The following FAM193A variants were observed in gnomAD, a reference collection of about 807,000 sequenced individuals.
The protein encoded by FAM193A is family with sequence similarity 193 member A.
In FAM193A, 22 loss-of-function variants were observed where a neutral mutation model predicts 126.5. The observed-to-expected ratio is 0.17, with a 90% CI of 0.12 to 0.25. The LOEUF (loss-of-function observed/expected upper bound fraction) is 0.25. Among genes scored for constraint, FAM193A ranks in the 10% least tolerant of loss-of-function variants. The pLI, the probability that FAM193A is intolerant of heterozygous loss-of-function variation, is 1.00. For missense variants in FAM193A, 1,675 were observed against 1,672.8 expected (o/e 1.00, Z -0.02); for synonymous variants, 761 against 646.8 (o/e 1.18, Z -2.68).
At chr4:2,663,031 A>C in intron 11 of FAM193A, 40 bp downstream of exon 11, 1 of 1,598,672 alleles carries the variant, frequency 6.3e-7, no homozygotes, top group Middle Eastern at 1.7e-4. Context: ...TAAATGACAT[A>C]AAATGATGGT....
At chr4:2,577,869 A>C (rs1350922157) in intron 1 of FAM193A, among the ~76,000 whole-genome samples, 1 of 152,220 alleles carries the variant, frequency 6.6e-6, no homozygotes, top group East Asian at 1.9e-4. Context: ...TTTAAGTACA[A>C]CATTGGCCAG....
In FAM193A at chr4:2,590,490, A is replaced by C. The variant is rs1451890235; in HGVS notation, c.256-5594A>C. ...AAAAAAAAAAACAAAAAAAAACAAAAAAAAACAAAAAAAAACAAAAAAAAA... is the reference window on the plus strand; with the variant it reads ...AAAAAAAAAAACAAAAAAAAACAAACAAAAACAAAAAAAAACAAAAAAAAA... On this transcript the variant is annotated intron_variant, in intron 1 of 20. Coordinates refer to ENST00000637812, the MANE Select transcript of FAM193A (RefSeq NM_001366318.2). 3.5e-4 allele frequency among the ~76,000 whole-genome samples: 36 copies of C among 101,686 alleles called. 3 individuals are homozygous for C. Among genetic ancestry groups the C allele is most frequent in the African/African-American group, 2.4e-3 (35 of 14,694 alleles). 66.7% of individuals were successfully genotyped at this position (101,686 alleles called of 152,430 possible). A position where few individuals can be genotyped will look rare whatever the true frequency, so the allele number is the denominator to read the frequency against.
chr4:2,654,791 T>G, intron 7 of FAM193A: 2 of 292,578 alleles, frequency 6.8e-6, no homozygotes, highest in Non-Finnish European at 1.3e-5. Flanking sequence ...TCTTGACCCA[T>G]TTTGTGCCTC....
rs759848913 is a variant in FAM193A at position 2,662,963 on chromosome 4, G to A, written c.1871G>A (p.Gly624Asp). ...MNGIHSELNG[G>D]GENMALKDES... Reference sequence around the variant, plus strand: ...GGAATCCACAGCGAATTGAATGGTGGCGGGGAAAACATGGCCCTGAAGGAT... The same window carrying A: ...GGAATCCACAGCGAATTGAATGGTGACGGGGAAAACATGGCCCTGAAGGAT... Residue 624 changes from glycine (G) to aspartate (D), a missense_variant, in exon 11 of 21, where the codon GGC becomes GAC. Transcript: ENST00000637812. The A allele has an allele frequency of 1.2e-6, 2 of 1,613,218 alleles. No individual in the cohort carries two copies. Among genetic ancestry groups the A allele is most frequent in the Non-Finnish European group, 1.7e-6 (2 of 1,179,198 alleles).
Position 2,649,722 on chromosome 4 carries a change from G to A in FAM193A, c.1311+2890G>A, listed in dbSNP as rs149062210. On this transcript the variant is annotated intron_variant, in intron 7 of 20. Transcript: ENST00000637812. ...GGGACAGTAAATAGTCCCTGTGTTG[G>A]TATTGCACTGTGGGCTGCTGGTTAC... Among the ~76,000 whole-genome samples, 623 of 152,302 alleles carry A rather than the reference G, an allele frequency of 4.1e-3. 5 individuals are homozygous for A. The highest frequency in any genetic ancestry group is 0.014 in the African/African-American group (601 of 41,572).
chr4:2,604,610 C>T (rs1040322777), intron 2 of FAM193A, among the ~76,000 whole-genome samples: 6 of 152,016 alleles, frequency 3.9e-5, no homozygotes, highest in Admixed American at 1.3e-4. Context: ...TCCTGAAGGG[C>T]GTTGTTTTCT....
intron 7 of FAM193A, among the ~76,000 whole-genome samples, chr4:2,656,094 T>C (rs758750589): frequency 2.6e-5 from 4 of 152,148 alleles, no homozygotes; most frequent in Admixed American, 2.0e-4. Flanking sequence ...GCCAGGACTT[T>C]TATATCTATA....
chr4:2,666,623 A>G (rs1250807506), intron 12 of FAM193A, among the ~76,000 whole-genome samples: 1 of 152,192 alleles, frequency 6.6e-6, no homozygotes, highest in Non-Finnish European at 1.5e-5. Context: ...TTCACCAGCA[A>G]AATCCTGTAG....
chr4:2,590,486 CAAAAAAAAA>C lies in FAM193A; in HGVS notation c.256-5597_256-5589del, dbSNP rs1740486921. On this transcript the variant is annotated intron_variant, in intron 1 of 20. Transcript: ENST00000637812. ...CTCAAAAAAAAAAAACAAAAAAAAA[CAAAAAAAAA>C]CAAAAAAAAACAAAAAAAAAACAAA... 1.3e-4 allele frequency among the ~76,000 whole-genome samples: 5 copies of C among 38,012 alleles called. 1 individual carries two copies. The South Asian group carries it at 2.4e-3, about 18-fold the overall frequency. The allele number at this position is 38,012 out of a possible 152,430, so 24.9% of individuals were successfully genotyped here. A position where few individuals can be genotyped will look rare whatever the true frequency, so the allele number is the denominator to read the frequency against.
At chr4:2,715,235 G>A (rs2109368499) in intron 19 of FAM193A, 1 of 152,288 alleles carries the variant, frequency 6.6e-6, no homozygotes, top group East Asian at 1.9e-4. Flanking sequence ...GGCCGAGGTG[G>A]GTGGATCATT....
chr4:2,635,362 T>G (rs1387299092), intron 5 of FAM193A, among the ~76,000 whole-genome samples: 1 of 152,190 alleles, frequency 6.6e-6, no homozygotes, highest in Non-Finnish European at 1.5e-5. Context: ...TTATGCAGAC[T>G]TACATCAGTA....
chr4:2,566,203 T>A (rs1038635719), intron 1 of FAM193A, among the ~76,000 whole-genome samples: 3 of 151,916 alleles, frequency 2.0e-5, no homozygotes, highest in Non-Finnish European at 4.4e-5. Flanking sequence ...GCCCGCCACC[T>A]CGCCCGGCTA....
In FAM193A at chr4:2,663,156, T is replaced by G; in HGVS notation, c.1947T>G (p.Asp649Glu). 6.2e-7 allele frequency: 1 copy of G among 1,614,154 alleles called. No homozygotes were observed. Among genetic ancestry groups the G allele is most frequent in the Non-Finnish European group, 8.5e-7 (1 of 1,180,018 alleles). The change falls in exon 12 of 21, where the codon GAT (aspartate) becomes GAG (glutamate). Residue 649 changes from aspartate to glutamate, a missense_variant. Transcript: ENST00000637812. ...GCAGTAGTTCCTCAGAAGCTGATGATGAAGAAGCGGACGGCGAGAGTAGTG... is the reference window on the plus strand; with the variant it reads ...GCAGTAGTTCCTCAGAAGCTGATGAGGAAGAAGCGGACGGCGAGAGTAGTG... ...STSSSSSEADDEEADGESSGE... is the reference protein window; with the variant it reads ...STSSSSSEADEEEADGESSGE...
chr4:2,595,509 G>A (rs924387124), intron 1 of FAM193A, among the ~76,000 whole-genome samples: 27 of 152,136 alleles, frequency 1.8e-4, no homozygotes, highest in African/African-American at 5.8e-4. Context: ...GGACCTATTT[G>A]AAAATGCAGA....
At chr4:2,657,252 T>C (rs907958885) in intron 7 of FAM193A, among the ~76,000 whole-genome samples, 5 of 152,226 alleles carry the variant, frequency 3.3e-5, no homozygotes, top group Non-Finnish European at 5.9e-5. Flanking sequence ...TTCCCCCTTT[T>C]TCAGCCTTGA....
At chr4:2,618,467 GC>G (rs1240091872) in intron 2 of FAM193A, among the ~76,000 whole-genome samples, 2 of 151,578 alleles carry the variant, frequency 1.3e-5, no homozygotes, top group Non-Finnish European at 2.9e-5. Context: ...TTGCCCTGTC[GC>G]CCAGGCTGGA....
intron 1 of FAM193A, among the ~76,000 whole-genome samples, chr4:2,544,039 C>T (rs1278702994): frequency 2.6e-5 from 4 of 151,966 alleles, no homozygotes; most frequent in East Asian, 1.9e-4. Flanking sequence ...ATTGCGACCA[C>T]GGTGAAATTA....
chr4:2,619,526 G>A (rs115930985), intron 2 of FAM193A, among the ~76,000 whole-genome samples: 4,355 of 151,816 alleles, frequency 0.029, 220 homozygotes, highest in African/African-American at 0.099. Flanking sequence ...TTTAGTAGAG[G>A]TGGGGTAATT....
chr4:2,639,261 G>T (rs1744378663), intron 5 of FAM193A, among the ~76,000 whole-genome samples: 1 of 152,020 alleles, frequency 6.6e-6, no homozygotes, highest in Non-Finnish European at 1.5e-5. Flanking sequence ...ACTCTGATAG[G>T]GTCTTGCAAG....
Sources: gnomAD v4.1 joint callset for allele counts (sites outside exome capture counted in the v4.1 genomes callset) on GRCh38, gnomAD v4.1.1 for gene constraint, MANE v1.5 for transcripts, NCBI Gene and HGNC (gene_info 2026-07-23, HGNC 2026-07-21) for gene names.